Variants in ALOX5AP observed in about 807,000 individuals in gnomAD.
ALOX5AP encodes the protein arachidonate 5-lipoxygenase activating protein.
A neutral mutation model predicts 18.5 loss-of-function variants in ALOX5AP; 9 were observed. The observed-to-expected ratio is 0.49, with a 90% confidence interval of 0.29 to 0.85. ALOX5AP has a LOEUF of 0.85. Ranked by LOEUF, ALOX5AP falls within the 40% of genes least tolerant of loss-of-function variation. The pLI, the probability that ALOX5AP is intolerant of heterozygous loss-of-function variation, is 0.08. For synonymous variants in ALOX5AP, 81 were observed against 78.6 expected (o/e 1.03, Z -0.16); for missense variants, 172 against 202.5 (o/e 0.85, Z 0.91).
Position 30,713,857 on chromosome 13 carries a change from C to A in ALOX5AP, c.116+16C>A, listed in dbSNP as rs75213687. 66 of 1,068,032 alleles carry A rather than the reference C, an allele frequency of 6.2e-5. 1 individual carries two copies. The South Asian group carries it at 8.0e-4, about 13-fold the overall frequency. 66.2% of individuals were successfully genotyped at this position (1,068,032 alleles called of 1,614,324 possible). On this transcript the variant is annotated intron_variant, in intron 1 of 5. Coordinates refer to the ALOX5AP transcript ENST00000617770. ...ATCAGTGCTGGTGTGTGTGTGTGTG[C>A]GCGCACACGCGCATGTGTGTGCATC... is the stretch of plus-strand genomic sequence containing the variant.
chr13:30,715,401 C>T (rs1951542412), intron 1 of ALOX5AP, among the ~76,000 whole-genome samples: 1 of 152,150 alleles, frequency 6.6e-6, no homozygotes, highest in South Asian at 2.1e-4. Context: ...ATAGTTCTGC[C>T]ACATTGCAGT....
intron 4 of ALOX5AP, among the ~76,000 whole-genome samples, chr13:30,760,072 T>C (rs1028868166): frequency 3.3e-5 from 5 of 152,206 alleles, no homozygotes; most frequent in Admixed American, 3.3e-4. Flanking sequence ...TGGAGATTTG[T>C]GGGTGGGCAG....
intron 2 of ALOX5AP, among the ~76,000 whole-genome samples, chr13:30,746,525 T>A (rs530265310): frequency 1.3e-5 from 2 of 151,650 alleles, no homozygotes; most frequent in East Asian, 3.9e-4. Flanking sequence ...GGGTCAAAGA[T>A]CAATGCAGCA....
chr13:30,729,527 A>C (rs1381858543), intron 1 of ALOX5AP, among the ~76,000 whole-genome samples: 1 of 152,040 alleles, frequency 6.6e-6, no homozygotes, highest in Admixed American at 6.6e-5. Context: ...GATTGCCTAC[A>C]AAACAGATAA....
At chr13:30,756,462 A>G (rs1046795527) in intron 4 of ALOX5AP, among the ~76,000 whole-genome samples, 1 of 152,196 alleles carries the variant, frequency 6.6e-6, no homozygotes, top group African/African-American at 2.4e-5. Flanking sequence ...CCTGAGGAAC[A>G]TATCTTTCAG....
chr13:30,725,864 G>A (rs1217043415), intron 1 of ALOX5AP, among the ~76,000 whole-genome samples: 1 of 152,198 alleles, frequency 6.6e-6, no homozygotes, highest in African/African-American at 2.4e-5. Context: ...GGCCAGATTA[G>A]AACAGTGGAA....
intron 1 of ALOX5AP, among the ~76,000 whole-genome samples, chr13:30,730,078 C>T (rs772986667): frequency 4.7e-4 from 72 of 152,286 alleles, no homozygotes; most frequent in Non-Finnish European, 8.7e-4. Context: ...TCTATTTGTT[C>T]GCTTAGCGCA....
intron 1 of ALOX5AP, among the ~76,000 whole-genome samples, chr13:30,722,622 G>T (rs1020675949): frequency 6.6e-6 from 1 of 152,148 alleles, no homozygotes; most frequent in African/African-American, 2.4e-5. Context: ...TTTAGGATCT[G>T]GGCCCATAAA....
intron 1 of ALOX5AP, among the ~76,000 whole-genome samples, chr13:30,728,263 G>A (rs116944465): frequency 6.6e-6 from 1 of 152,154 alleles, no homozygotes; most frequent in East Asian, 1.9e-4. Flanking sequence ...AGGGAGCATA[G>A]CCCTGCTGAC....
At chr13:30,744,686 C>T (rs761765362) in intron 2 of ALOX5AP, among the ~76,000 whole-genome samples, 4 of 152,202 alleles carry the variant, frequency 2.6e-5, no homozygotes, top group African/African-American at 9.6e-5. Context: ...GTGCTTTCCC[C>T]CTCTCTCATT....
At chr13:30,719,103 A>G (rs1951572959) in intron 1 of ALOX5AP, among the ~76,000 whole-genome samples, 1 of 152,174 alleles carries the variant, frequency 6.6e-6, no homozygotes, top group Admixed American at 6.5e-5. Flanking sequence ...CTCAGTTGTC[A>G]GCTAGTTGTG....
At chr13:30,761,492 A>G (rs1042968335) in intron 4 of ALOX5AP, among the ~76,000 whole-genome samples, 8 of 152,274 alleles carry the variant, frequency 5.3e-5, no homozygotes, top group East Asian at 1.9e-4. Flanking sequence ...TGAACCCTCT[A>G]TTCTCTGGCT....
chr13:30,718,025 T>C (rs955243296), intron 1 of ALOX5AP, among the ~76,000 whole-genome samples: 2 of 151,202 alleles, frequency 1.3e-5, no homozygotes, highest in Admixed American at 6.6e-5. Flanking sequence ...AATGGCACAA[T>C]CTCAGCTCAC....
At chr13:30,724,862 G>C (rs1345274618) in intron 1 of ALOX5AP, among the ~76,000 whole-genome samples, 1 of 152,234 alleles carries the variant, frequency 6.6e-6, no homozygotes, top group Admixed American at 6.5e-5. Context: ...GCAAGAGCAA[G>C]TAGTACAGGC....
intron 2 of ALOX5AP, among the ~76,000 whole-genome samples, chr13:30,746,700 G>T (rs1330139801): frequency 1.3e-5 from 2 of 152,228 alleles, no homozygotes; most frequent in Non-Finnish European, 2.9e-5. Flanking sequence ...GACCCATGAG[G>T]CTGCAGGAAG....
chr13:30,748,424 A>G (rs867590336), intron 2 of ALOX5AP, among the ~76,000 whole-genome samples: 1 of 152,252 alleles, frequency 6.6e-6, no homozygotes, highest in Admixed American at 6.5e-5. Context: ...GAAAGGGAAT[A>G]TAGCAACGAA....
intron 1 of ALOX5AP, among the ~76,000 whole-genome samples, chr13:30,725,590 G>A (rs1951633529): frequency 6.6e-6 from 1 of 152,236 alleles, no homozygotes; most frequent in South Asian, 2.1e-4. Context: ...AAACCAACTG[G>A]TGGAAGGTTG....
intron 3 of ALOX5AP, 108 bp from the exon 4 acceptor site, chr13:30,755,836 C>A: frequency 2.9e-6 from 3 of 1,038,356 alleles, no homozygotes; most frequent in Admixed American, 1.9e-5. Flanking sequence ...TCCTGAAGTG[C>A]GTGTGTCTTC....
chr13:30,731,214 GA>G (rs1210225681), upstream of ALOX5AP, among the ~76,000 whole-genome samples: 2 of 152,146 alleles, frequency 1.3e-5, no homozygotes. Flanking sequence ...CCTGTGAGGG[GA>G]TTGCCAGGTA....
Sources: allele counts gnomAD v4.1 joint callset (sites outside exome capture counted in the v4.1 genomes callset), GRCh38; gene constraint gnomAD v4.1.1; transcripts MANE v1.5; gene names NCBI Gene and HGNC (gene_info 2026-07-23, HGNC 2026-07-21).